Variants in ASAP1 observed in about 807,000 individuals in gnomAD.
ASAP1 encodes arf-GAP with SH3 domain, ANK repeat and PH domain-containing protein 1.
Under a neutral mutation model 145.2 loss-of-function variants are expected in ASAP1, and 43 were observed. The observed-to-expected ratio is 0.30, with a 90% CI of 0.23 to 0.38. The LOEUF (loss-of-function observed/expected upper bound fraction) is 0.38. Among genes scored for constraint, ASAP1 ranks in the 10% least tolerant of loss-of-function variants. ASAP1 has a pLI of 1.00. For synonymous variants in ASAP1, 546 were observed against 515.5 expected (o/e 1.06, Z -0.80); for missense variants, 1,018 against 1,355.3 (o/e 0.75, Z 3.91).
At chr8:130,316,709 CA>C (rs1823682998) in intron 3 of ASAP1, among the ~76,000 whole-genome samples, 1 of 152,162 alleles carries the variant, frequency 6.6e-6, no homozygotes, top group African/African-American at 2.4e-5. Context: ...AAGGTGAGAT[CA>C]AAAGGAAGGA....
intron 18 of ASAP1, among the ~76,000 whole-genome samples, chr8:130,122,662 G>A (rs780733183): frequency 6.6e-6 from 1 of 152,208 alleles, no homozygotes; most frequent in Non-Finnish European, 1.5e-5. Context: ...TTTAGGAAGT[G>A]GCAGAGCTAT....
chr8:130,248,914 G>A (rs986885123), intron 3 of ASAP1, among the ~76,000 whole-genome samples: 2 of 152,090 alleles, frequency 1.3e-5, no homozygotes, highest in Admixed American at 1.3e-4. Flanking sequence ...TTCAATCTCA[G>A]CAGCATTTCT....
At chr8:130,290,083 T>C (rs1211813253) in intron 3 of ASAP1, among the ~76,000 whole-genome samples, 2 of 152,200 alleles carry the variant, frequency 1.3e-5, no homozygotes, top group African/African-American at 4.8e-5. Context: ...ATATTCATCT[T>C]TGTATCTCCA....
Position 130,113,774 on chromosome 8 carries a change from C to CT in ASAP1, c.2173-1453dup, listed in dbSNP as rs561023170. Among the ~76,000 whole-genome samples, 1,149 of 144,574 alleles carry CT rather than the reference C, an allele frequency of 7.9e-3. 4 individuals carry two copies. Among genetic ancestry groups the CT allele is most frequent in the Middle Eastern group, 0.014 (4 of 278 alleles). The allele number at this position is 144,574 out of a possible 152,430, so 94.8% of individuals were successfully genotyped here. A position where few individuals can be genotyped will look rare whatever the true frequency, so the allele number is the denominator to read the frequency against. On this transcript the variant is annotated intron_variant, in intron 23 of 29. Coordinates refer to ENST00000518721, the MANE Select transcript of ASAP1 (RefSeq NM_018482.4). ...TGGGGATAACAATGTCCCTTATGTA[C>CT]TTTTTTTTTTTTTTCCTCTGAGACA... is the stretch of plus-strand genomic sequence containing the variant.
chr8:130,440,803 T>TTCC lies in ASAP1; in HGVS notation c.-28+2654_-28+2656dup, dbSNP rs1830464153. Among the ~76,000 whole-genome samples the TTCC allele has an allele frequency of 3.9e-5, 6 of 152,230 alleles. 1 individual carries two copies. The highest frequency in any genetic ancestry group is 1.4e-4 in the African/African-American group (6 of 41,562). On this transcript the variant is annotated intron_variant, in intron 1 of 29. Transcript: ENST00000518721. Reference sequence around the variant, plus strand: ...CCCTGCAATCTCTCTGCCTGGCCAGTTCCTTCTCCATTTTCCAATCTCAGA... The same window carrying TTCC: ...CCCTGCAATCTCTCTGCCTGGCCAGTTCCTCCTTCTCCATTTTCCAATCTCAGA...
intron 28 of ASAP1, among the ~76,000 whole-genome samples, chr8:130,060,365 C>T (rs906066021): frequency 2.2e-4 from 34 of 152,182 alleles, no homozygotes. Flanking sequence ...TTATGTCAGG[C>T]ACTGAAGCCA....
rs140981827 is a variant in ASAP1 at position 130,238,630 on chromosome 8, C to T, written c.187-1636G>A. Among the ~76,000 whole-genome samples, 557 of 152,164 alleles carry T rather than the reference C, an allele frequency of 3.7e-3. 5 individuals are homozygous for T. Among genetic ancestry groups the T allele is most frequent in the African/African-American group, 0.012 (493 of 41,532 alleles). The stretch of plus-strand genomic sequence containing the variant: ...ATATCAATTATATAAGATATATACA[C>T]TTTCAAATATTTTATCTCTTTGCAT... On this transcript the variant is annotated intron_variant, in intron 3 of 29. Transcript: ENST00000518721.
intron 1 of ASAP1, among the ~76,000 whole-genome samples, chr8:130,414,232 C>G (rs1484974515): frequency 2.0e-5 from 3 of 152,196 alleles, no homozygotes; most frequent in Non-Finnish European, 4.4e-5. Flanking sequence ...GTTTGCTGAC[C>G]CATCTGCCAT....
chr8:130,177,262 A>G (rs1010515787), intron 9 of ASAP1, among the ~76,000 whole-genome samples: 2 of 152,230 alleles, frequency 1.3e-5, no homozygotes, highest in Non-Finnish European at 2.9e-5. Context: ...AGGCTAATAT[A>G]TGTATACTTT....
Position 130,052,435 on chromosome 8 carries a change from A to G in ASAP1, c.*2296T>C, listed in dbSNP as rs1410532176. The G allele has an allele frequency of 2.6e-5, 4 of 152,544 alleles. No individual in the cohort carries two copies. The highest frequency in any genetic ancestry group is 7.2e-5 in the African/African-American group (3 of 41,458). 9.4% of individuals were successfully genotyped at this position (152,544 alleles called of 1,614,324 possible). A position where few individuals can be genotyped will look rare whatever the true frequency, so the allele number is the denominator to read the frequency against. On this transcript the variant is annotated 3_prime_UTR_variant, in exon 30 of 30. Transcript: ENST00000518721. ...TGCTATTTTTTTTTCATAAGGTTCC[A>G]TATCTTCAAAATACTATATAATGTA... is the stretch of plus-strand genomic sequence containing the variant.
At chr8:130,059,233 C>T (rs764727357) in intron 28 of ASAP1, among the ~76,000 whole-genome samples, 5 of 151,246 alleles carry the variant, frequency 3.3e-5, no homozygotes, top group Non-Finnish European at 7.4e-5. Flanking sequence ...GGCATGATTA[C>T]GCTCACTGCA....
At position 130,234,092 on chromosome 8, in the gene ASAP1, G is replaced by A. The variant is rs1230016944; in HGVS notation, c.259+2830C>T. Reference sequence around the variant, plus strand: ...AGGTGATCCTAATCAACAAAGGTAAGAATCATTATCTACTCCAAGAGAGAT... The same window carrying A: ...AGGTGATCCTAATCAACAAAGGTAAAAATCATTATCTACTCCAAGAGAGAT... On this transcript the variant is annotated intron_variant, in intron 4 of 29. Transcript: ENST00000518721. Among the ~76,000 whole-genome samples the A allele has an allele frequency of 2.1e-4, 32 of 152,106 alleles. 1 individual carries two copies. Among genetic ancestry groups the A allele is most frequent in the Admixed American group, 2.1e-3 (32 of 15,260 alleles).
rs1367872946 is a variant in ASAP1 at position 130,152,805 on chromosome 8, C to T, written c.1011G>A (p.Gly337=). ...KKGYLLKKSD[G]IRKVWQRRKC... ...TCCTCCTCTGCCATACTTTCCGGAT[C>T]CTAAGGAGGAAGTCAAACACAACTA... is the stretch of plus-strand genomic sequence containing the variant. Residue 337 remains glycine (G), a splice_region_variant and synonymous_variant, in exon 13 of 30, where the codon GGG becomes GGA. Transcript: ENST00000518721. The T allele has an allele frequency of 6.2e-7, 1 of 1,607,226 alleles. No individual in the cohort carries two copies. The highest frequency in any genetic ancestry group is 1.1e-5 in the South Asian group (1 of 90,458).
intron 24 of ASAP1, among the ~76,000 whole-genome samples, chr8:130,095,779 C>G (rs144937276): frequency 1.3e-5 from 2 of 149,210 alleles, no homozygotes; most frequent in East Asian, 4.0e-4. Flanking sequence ...CCGCCACACC[C>G]GGCTAAGTTT....
intron 3 of ASAP1, among the ~76,000 whole-genome samples, chr8:130,255,010 T>G (rs2136904597): frequency 6.6e-6 from 1 of 152,278 alleles, no homozygotes; most frequent in South Asian, 2.1e-4. Context: ...AAATTAAGGC[T>G]CTCTAGAGAG....
At chr8:130,436,240 C>T (rs1221943874) in intron 1 of ASAP1, among the ~76,000 whole-genome samples, 1 of 152,214 alleles carries the variant, frequency 6.6e-6, no homozygotes, top group African/African-American at 2.4e-5. Context: ...ATTATAAACT[C>T]TCACCTGTAA....
chr8:130,440,733 A>G lies in ASAP1; in HGVS notation c.-28+2727T>C, dbSNP rs1188720092. 2.6e-5 allele frequency among the ~76,000 whole-genome samples: 4 copies of G among 152,058 alleles called. No individual in the cohort carries two copies. The East Asian group carries it at 5.8e-4, about 22-fold the overall frequency. Reference sequence around the variant, plus strand: ...TGGAATACACCAAGCTCTTTTGTGCATAGTCAACTTTGCACATTCCCATCC... The same window carrying G: ...TGGAATACACCAAGCTCTTTTGTGCGTAGTCAACTTTGCACATTCCCATCC... On this transcript the variant is annotated intron_variant, in intron 1 of 29. Transcript: ENST00000518721.
chr8:130,408,804 A>C (rs946110746), intron 1 of ASAP1, among the ~76,000 whole-genome samples: 1 of 152,218 alleles, frequency 6.6e-6, no homozygotes, highest in Non-Finnish European at 1.5e-5. Context: ...AACATTTCCC[A>C]AGTCATACAG....
intron 3 of ASAP1, among the ~76,000 whole-genome samples, chr8:130,258,550 T>C (rs1257964747): frequency 2.6e-5 from 4 of 152,160 alleles, no homozygotes; most frequent in Admixed American, 2.0e-4. Flanking sequence ...AGAGCCCAGA[T>C]AACTTGGTCT....
Sources: gnomAD v4.1 joint callset for allele counts (sites outside exome capture counted in the v4.1 genomes callset) on GRCh38, gnomAD v4.1.1 for gene constraint, MANE v1.5 for transcripts, NCBI Gene and HGNC (gene_info 2026-07-23, HGNC 2026-07-21) for gene names.